The following FOXP1 variants were observed in gnomAD, a reference collection of about 807,000 sequenced individuals.
FOXP1 encodes the protein forkhead box P1.
Under a neutral mutation model 98.2 loss-of-function variants are expected in FOXP1, and 15 were observed. The observed-to-expected ratio is 0.15, with a 90% CI of 0.10 to 0.24. The LOEUF is 0.24. Ranked by LOEUF, FOXP1 falls within the 10% of genes least tolerant of loss-of-function variation. The probability of loss-of-function intolerance (pLI) is 1.00; values close to 1 mark genes in which losing one functional copy is unlikely to be tolerated. For missense variants in FOXP1, 633 were observed against 848.5 expected (o/e 0.75, Z 3.15); for synonymous variants, 371 against 314.5 (o/e 1.18, Z -1.90).
chr3:71,111,796 G>C (rs2057952137), intron 7 of FOXP1, among the ~76,000 whole-genome samples: 1 of 152,010 alleles, frequency 6.6e-6, no homozygotes, highest in Non-Finnish European at 1.5e-5. Context: ...AACCATTTTT[G>C]TATCTTTACA....
At chr3:71,034,293 CT>C (rs1316753379) in intron 11 of FOXP1, among the ~76,000 whole-genome samples, 1 of 152,122 alleles carries the variant, frequency 6.6e-6, no homozygotes, top group Non-Finnish European at 1.5e-5. Context: ...TAGTCCAATT[CT>C]CATCAAAAGT....
At chr3:71,351,630 A>C (rs184164734) in intron 4 of FOXP1, among the ~76,000 whole-genome samples, 1 of 152,248 alleles carries the variant, frequency 6.6e-6, no homozygotes, top group Non-Finnish European at 1.5e-5. Context: ...CACCCTGGTA[A>C]ATAAAAAGCC....
intron 10 of FOXP1, 70 bp from the exon 11 acceptor site, chr3:71,041,602 T>C (rs528917987): frequency 1.4e-6 from 2 of 1,455,846 alleles, no homozygotes; most frequent in East Asian, 4.6e-5. Context: ...AGCAATTAAA[T>C]CAAAGAGTCA....
chr3:71,157,304 T>A (rs941364713), intron 6 of FOXP1, among the ~76,000 whole-genome samples: 51 of 152,258 alleles, frequency 3.3e-4, no homozygotes, highest in African/African-American at 8.9e-4. Flanking sequence ...GACTTCTCAA[T>A]CTTGAATGCC....
chr3:71,350,493 C>G (rs1237745495), intron 4 of FOXP1, among the ~76,000 whole-genome samples: 1 of 152,092 alleles, frequency 6.6e-6, no homozygotes, highest in Non-Finnish European at 1.5e-5. Flanking sequence ...AAGCATCTTG[C>G]CTTAGGACGA....
chr3:71,455,495 A>T (rs1010350857), intron 3 of FOXP1, among the ~76,000 whole-genome samples: 5 of 152,216 alleles, frequency 3.3e-5, no homozygotes, highest in Non-Finnish European at 7.3e-5. Context: ...CCTAAATTTA[A>T]ATGTTTAAGA....
At chr3:71,574,699 G>C (rs1352943800) in intron 2 of FOXP1, among the ~76,000 whole-genome samples, 2 of 152,104 alleles carry the variant, frequency 1.3e-5, no homozygotes, top group African/African-American at 2.4e-5. Flanking sequence ...AAAAATTCTA[G>C]AGAGTCATCT....
At chr3:71,027,553 T>C (rs759207002) in intron 11 of FOXP1, among the ~76,000 whole-genome samples, 3 of 152,200 alleles carry the variant, frequency 2.0e-5, no homozygotes, top group Non-Finnish European at 2.9e-5. Context: ...AATTCTTCTC[T>C]ACATTTAATT....
intron 5 of FOXP1, among the ~76,000 whole-genome samples, chr3:71,271,292 A>C (rs1037073657): frequency 1.3e-5 from 2 of 152,246 alleles, no homozygotes; most frequent in African/African-American, 4.8e-5. Context: ...AAACAAATAC[A>C]AATGTAGGGA....
chr3:71,142,332 A>G (rs1242757840), intron 6 of FOXP1, among the ~76,000 whole-genome samples: 3 of 152,142 alleles, frequency 2.0e-5, no homozygotes, highest in South Asian at 2.1e-4. Flanking sequence ...CAGAGAGTCA[A>G]TCGTGCACTA....
chr3:71,262,458 A>T (rs2069253429), intron 5 of FOXP1, among the ~76,000 whole-genome samples: 1 of 152,044 alleles, frequency 6.6e-6, no homozygotes, highest in Non-Finnish European at 1.5e-5. Flanking sequence ...AATAAGCAAT[A>T]GAATTTTTAT....
intron 4 of FOXP1, among the ~76,000 whole-genome samples, chr3:71,307,441 A>G (rs1041457597): frequency 1.3e-5 from 2 of 152,232 alleles, no homozygotes; most frequent in Non-Finnish European, 2.9e-5. Flanking sequence ...TTATGGCATA[A>G]CATGGAGAAA....
intron 3 of FOXP1, among the ~76,000 whole-genome samples, chr3:71,361,696 G>A (rs546053138): frequency 2.0e-5 from 3 of 152,270 alleles, no homozygotes; most frequent in South Asian, 4.1e-4. Context: ...TCAGCCTGTC[G>A]TTCCAGTGAG....
Position 70,957,806 on chromosome 3 carries a change from A to G in FOXP1, c.*1441T>C, listed in dbSNP as rs2032179306. 4.3e-6 allele frequency: 1 copy of G among 233,852 alleles called. No individual in the cohort carries two copies. The highest frequency in any genetic ancestry group is 5.6e-5 in the Admixed American group (1 of 17,820). 14.5% of individuals were successfully genotyped at this position (233,852 alleles called of 1,614,324 possible). ...TAACAAACTGCAGTACCAAATTTGCATATTTGAAATTAACACTTTAGCATT... is the reference window on the plus strand; with the variant it reads ...TAACAAACTGCAGTACCAAATTTGCGTATTTGAAATTAACACTTTAGCATT... On this transcript the variant is annotated 3_prime_UTR_variant, in exon 21 of 21. Transcript: ENST00000649528.
chr3:71,547,622 T>G (rs912358327), intron 2 of FOXP1, among the ~76,000 whole-genome samples: 1 of 152,254 alleles, frequency 6.6e-6, no homozygotes, highest in African/African-American at 2.4e-5. Flanking sequence ...AACTTGCTGT[T>G]CTTGGGGCCC....
intron 4 of FOXP1, among the ~76,000 whole-genome samples, chr3:71,330,533 G>C (rs1056373163): frequency 1.3e-5 from 2 of 152,186 alleles, no homozygotes; most frequent in African/African-American, 4.8e-5. Flanking sequence ...TATTTTTGCT[G>C]TGCTTACTTT....
chr3:71,182,498 A>AGATGTGTG (rs2062373359), intron 6 of FOXP1, among the ~76,000 whole-genome samples: 1 of 119,970 alleles, frequency 8.3e-6, no homozygotes, highest in African/African-American at 3.7e-5. Context: ...TGTAAACTAT[A>AGATGTGTG]TATATGTGTG....
chr3:71,130,913 C>CG, intron 6 of FOXP1: 1 of 1,348,398 alleles, frequency 7.4e-7, no homozygotes, highest in Non-Finnish European at 9.5e-7. Context: ...ACACAGCACA[C>CG]GCAGTGCGCC....
At chr3:71,014,468 C>T (rs1304216510) in intron 12 of FOXP1, among the ~76,000 whole-genome samples, 1 of 152,076 alleles carries the variant, frequency 6.6e-6, no homozygotes. Context: ...GTTAGAATGG[C>T]AATCATTAAA....
Sources: gnomAD v4.1 joint callset for allele counts (sites outside exome capture counted in the v4.1 genomes callset) on GRCh38, gnomAD v4.1.1 for gene constraint, MANE v1.5 for transcripts, NCBI Gene and HGNC (gene_info 2026-07-23, HGNC 2026-07-21) for gene names.